Variants in ADGRB3 observed in about 807,000 individuals in gnomAD.
ADGRB3 encodes brain-specific angiogenesis inhibitor 3.
In ADGRB3, 37 loss-of-function variants were observed where a neutral mutation model predicts 193.4. That is an observed-to-expected ratio of 0.19 (90% CI 0.15 to 0.25). The LOEUF is 0.25. Ranked by LOEUF, ADGRB3 falls within the 10% of genes least tolerant of loss-of-function variation. The probability of loss-of-function intolerance (pLI) is 1.00; values close to 1 mark genes in which losing one functional copy is unlikely to be tolerated. For missense variants in ADGRB3, 1,637 were observed against 1,852.9 expected (o/e 0.88, Z 2.14); for synonymous variants, 690 against 644.2 (o/e 1.07, Z -1.08).
At position 68,853,990 on chromosome 6, in the gene ADGRB3, T is replaced by C. The variant is rs549451574; in HGVS notation, c.758-76569T>C. Among the ~76,000 whole-genome samples, 11 of 152,298 alleles carry C rather than the reference T, an allele frequency of 7.2e-5. No individual in the cohort carries two copies. In the East Asian group the frequency reaches 1.9e-3, roughly 27 times the overall value. ...CAGATCTTTTATTAATCATCTTAAT[T>C]CTTAATTCTGCACTGCCTGCTCATT... On this transcript the variant is annotated intron_variant, in intron 3 of 31. Transcript: ENST00000370598.
intron 13 of ADGRB3, among the ~76,000 whole-genome samples, chr6:69,038,170 T>C (rs947865425): frequency 6.6e-6 from 1 of 152,204 alleles, no homozygotes; most frequent in Non-Finnish European, 1.5e-5. Flanking sequence ...CCACTGCTCT[T>C]CTGGGAATGA....
intron 17 of ADGRB3, among the ~76,000 whole-genome samples, chr6:69,183,742 T>C (rs951682227): frequency 6.6e-6 from 1 of 152,128 alleles, no homozygotes; most frequent in Admixed American, 6.5e-5. Context: ...CTCTCAGATA[T>C]GTAAGTTGAT....
chr6:69,353,792 G>A (rs933980061), intron 26 of ADGRB3, among the ~76,000 whole-genome samples: 3 of 152,130 alleles, frequency 2.0e-5, no homozygotes, highest in Admixed American at 6.5e-5. Flanking sequence ...GGCAGGGCAC[G>A]GTGGCTCATG....
In ADGRB3 at chr6:68,854,866, A is replaced by T. The variant is rs1371777032; in HGVS notation, c.758-75693A>T. On this transcript the variant is annotated intron_variant, in intron 3 of 31. Coordinates refer to ENST00000370598, the MANE Select transcript of ADGRB3 (RefSeq NM_001704.3). The stretch of plus-strand genomic sequence containing the variant: ...AGCTGCAGACTTCAGAGTCTCTCCC[A>T]GCATTGCCTTTATCTCTCTGGGATG... Among the ~76,000 whole-genome samples the T allele has an allele frequency of 2.0e-5, 3 of 152,156 alleles. No homozygotes were observed. The South Asian group carries it at 6.2e-4, about 31-fold the overall frequency.
intron 20 of ADGRB3, among the ~76,000 whole-genome samples, chr6:69,302,418 C>T (rs903146994): frequency 2.0e-5 from 3 of 151,790 alleles, no homozygotes; most frequent in South Asian, 2.1e-4. Flanking sequence ...GTTTTGTCCC[C>T]GAAGTCAGAA....
In ADGRB3 at chr6:68,910,900, G is replaced by A. The variant is rs1254700389; in HGVS notation, c.758-19659G>A. Among the ~76,000 whole-genome samples the A allele has an allele frequency of 3.9e-5, 6 of 152,070 alleles. No individual in the cohort carries two copies. In the East Asian group the frequency reaches 1.2e-3, roughly 29 times the overall value. ...ACTTGGCAATGTGGGCTCTTTTTTGGTTCCATATGAACTTTAAAGTAGTTT... is the reference window on the plus strand; with the variant it reads ...ACTTGGCAATGTGGGCTCTTTTTTGATTCCATATGAACTTTAAAGTAGTTT... On this transcript the variant is annotated intron_variant, in intron 3 of 31. Coordinates refer to ENST00000370598, the MANE Select transcript of ADGRB3 (RefSeq NM_001704.3).
In ADGRB3 at chr6:68,635,851, T is replaced by A. The variant is rs1426478932; in HGVS notation, c.-337T>A. The A allele has an allele frequency of 1.3e-5, 2 of 152,836 alleles. No individual in the cohort carries two copies. Among genetic ancestry groups the A allele is most frequent in the East Asian group, 3.9e-4 (2 of 5,176 alleles). The allele number at this position is 152,836 out of a possible 1,614,324, so 9.5% of individuals were successfully genotyped here. Reference sequence around the variant, plus strand: ...TTTGCTTTTCGTATGTATGCATTTTTAAAAATAAATCCTGATTTTGGAAGC... The same window carrying A: ...TTTGCTTTTCGTATGTATGCATTTTAAAAAATAAATCCTGATTTTGGAAGC... On this transcript the variant is annotated 5_prime_UTR_variant, in exon 1 of 32. It introduces an in-frame stop codon into an upstream open reading frame of the 5' UTR. Coordinates refer to ENST00000370598, the MANE Select transcript of ADGRB3 (RefSeq NM_001704.3).
chr6:69,152,453 A>T (rs894332526), intron 17 of ADGRB3, among the ~76,000 whole-genome samples: 1 of 152,242 alleles, frequency 6.6e-6, no homozygotes, highest in Non-Finnish European at 1.5e-5. Flanking sequence ...TCTGAAATGT[A>T]GAAAGCAAAT....
chr6:69,311,802 A>G (rs904242120), intron 20 of ADGRB3, among the ~76,000 whole-genome samples: 4 of 151,732 alleles, frequency 2.6e-5, no homozygotes, highest in East Asian at 3.9e-4. Context: ...ACTTGATGCA[A>G]TCAATTGTCT....
chr6:68,958,138 T>C (rs1014907942), intron 8 of ADGRB3, among the ~76,000 whole-genome samples: 5 of 152,000 alleles, frequency 3.3e-5, no homozygotes, highest in African/African-American at 7.3e-5. Flanking sequence ...GAGGTGGAGG[T>C]TGCAGTTAGC....
chr6:69,237,506 T>C (rs1020756187), intron 19 of ADGRB3, among the ~76,000 whole-genome samples: 1 of 152,062 alleles, frequency 6.6e-6, no homozygotes, highest in Admixed American at 6.6e-5. Flanking sequence ...CATTCTTAAA[T>C]TTTGTTTAAA....
In ADGRB3 at chr6:69,382,801, G is replaced by A. The variant is rs1055873340; in HGVS notation, c.4276-30G>A. 2.8e-6 allele frequency: 4 copies of A among 1,444,942 alleles called. No individual in the cohort carries two copies. The African/African-American group carries it at 5.8e-5, about 21-fold the overall frequency. 89.5% of individuals were successfully genotyped at this position (1,444,942 alleles called of 1,614,324 possible). A position where few individuals can be genotyped will look rare whatever the true frequency, so the allele number is the denominator to read the frequency against. On this transcript the variant is annotated intron_variant, in intron 30 of 31. Coordinates refer to ENST00000370598, the MANE Select transcript of ADGRB3 (RefSeq NM_001704.3). ...GTTTGAAAAACATACATCAAGTTGGGGATGAGAGCTATCTTGTTCTTTTTT... is the reference window on the plus strand; with the variant it reads ...GTTTGAAAAACATACATCAAGTTGGAGATGAGAGCTATCTTGTTCTTTTTT...
intron 3 of ADGRB3, among the ~76,000 whole-genome samples, chr6:68,712,910 TA>T (rs1562002675): frequency 6.7e-6 from 1 of 149,172 alleles, no homozygotes; most frequent in African/African-American, 2.4e-5. Context: ...ATTAATAAAA[TA>T]ATTTTTTTTA....
chr6:69,044,700 G>T (rs1021088985), intron 13 of ADGRB3, among the ~76,000 whole-genome samples: 29 of 152,240 alleles, frequency 1.9e-4, no homozygotes, highest in African/African-American at 7.0e-4. Flanking sequence ...TTTCTCTAAG[G>T]TTTATCAGTG....
Position 69,235,115 on chromosome 6 carries a change from T to A in ADGRB3, c.2691T>A (p.Val897=). The change falls in exon 19 of 32, where the codon GTT becomes GTA. Residue 897 remains valine, a synonymous_variant. Coordinates refer to ENST00000370598, the MANE Select transcript of ADGRB3 (RefSeq NM_001704.3). ...LSCLALITLA[V]VYAALWRYIR... ...GCTTGGCCTTGATTACCCTAGCAGT[T>A]GTCTATGCAGCATTATGGAGGTAAG... The A allele has an allele frequency of 6.2e-7, 1 of 1,609,454 alleles. No individual in the cohort carries two copies. The highest frequency in any genetic ancestry group is 8.5e-7 in the Non-Finnish European group (1 of 1,175,878).
intron 8 of ADGRB3, among the ~76,000 whole-genome samples, chr6:68,959,688 A>G (rs117618228): frequency 2.1e-3 from 313 of 152,272 alleles, no homozygotes; most frequent in Non-Finnish European, 3.5e-3. Context: ...AGATTAAATA[A>G]AAGTATTAAA....
chr6:69,265,705 A>T (rs569001542), intron 20 of ADGRB3, among the ~76,000 whole-genome samples: 1 of 152,166 alleles, frequency 6.6e-6, no homozygotes, highest in Non-Finnish European at 1.5e-5. Context: ...AATTTTAGAA[A>T]TAGAATTGCT....
intron 17 of ADGRB3, among the ~76,000 whole-genome samples, chr6:69,172,234 T>C (rs1775288463): frequency 6.6e-6 from 1 of 152,142 alleles, no homozygotes; most frequent in South Asian, 2.1e-4. Flanking sequence ...ATCTTTTATA[T>C]TATAGAAAAA....
At chr6:69,222,727 T>A (rs929190351) in intron 17 of ADGRB3, among the ~76,000 whole-genome samples, 1 of 152,134 alleles carries the variant, frequency 6.6e-6, no homozygotes, top group Non-Finnish European at 1.5e-5. Context: ...TTGGTGAATG[T>A]ACTTATTTCT....
Sources: gnomAD v4.1 joint callset for allele counts (sites outside exome capture counted in the v4.1 genomes callset) on GRCh38, gnomAD v4.1.1 for gene constraint, MANE v1.5 for transcripts, NCBI Gene and HGNC (gene_info 2026-07-23, HGNC 2026-07-21) for gene names.